The following GRIK4 variants were observed in gnomAD, a reference collection of about 807,000 sequenced individuals.
The protein encoded by GRIK4 is glutamate receptor ionotropic, kainate 4.
A neutral mutation model predicts 104.9 loss-of-function variants in GRIK4; 40 were observed. The observed-to-expected ratio is 0.38, with a 90% CI of 0.30 to 0.50. The LOEUF is 0.50. GRIK4 is among the 20% of genes least tolerant of loss of function. The pLI is 0.93. For missense variants in GRIK4, 1,047 were observed against 1,308.1 expected (o/e 0.80, Z 3.08); for synonymous variants, 485 against 524.9 (o/e 0.92, Z 1.04).
intron 13 of GRIK4, among the ~76,000 whole-genome samples, chr11:120,931,405 C>A (rs1943479086): frequency 6.6e-6 from 1 of 152,126 alleles, no homozygotes; most frequent in Non-Finnish European, 1.5e-5. Flanking sequence ...GGGGTGGAGA[C>A]CAGAGTGCCT....
At position 120,896,332 on chromosome 11, in the gene GRIK4, G is replaced by A. The variant is rs1942580820; in HGVS notation, c.1165-2200G>A. Among the ~76,000 whole-genome samples the A allele has an allele frequency of 2.0e-5, 3 of 152,208 alleles. No individual in the cohort carries two copies. In the South Asian group the frequency reaches 6.2e-4, roughly 32 times the overall value. Reference sequence around the variant, plus strand: ...GGTGGGCTCTTTTGTTTTGGCCTCAGTTTCCTTATCTGTAAAACGGGGCTT... The same window carrying A: ...GGTGGGCTCTTTTGTTTTGGCCTCAATTTCCTTATCTGTAAAACGGGGCTT... On this transcript the variant is annotated intron_variant, in intron 11 of 20. Transcript: ENST00000527524.
chr11:120,581,219 T>TTC (rs973694768), intron 1 of GRIK4, among the ~76,000 whole-genome samples: 2 of 152,208 alleles, frequency 1.3e-5, no homozygotes, highest in Non-Finnish European at 2.9e-5. Context: ...TCTTTTCATT[T>TTC]TCTCTCTCTC....
In GRIK4 at chr11:120,836,679, G is replaced by C. The variant is rs1458175062; in HGVS notation, c.691-112G>C. On this transcript the variant is annotated intron_variant, in intron 7 of 20. Transcript: ENST00000527524. The stretch of plus-strand genomic sequence containing the variant: ...TAATCAAGATGTTCTGTTCTGCCTG[G>C]TGCCAAGGGGCAGTGGGCCAGACAA... The C allele has an allele frequency of 8.0e-6, 6 of 750,632 alleles. No individual in the cohort carries two copies. In the Admixed American group the frequency reaches 8.8e-5, roughly 11 times the overall value. The allele number at this position is 750,632 out of a possible 1,614,324, so 46.5% of individuals were successfully genotyped here.
At chr11:120,803,583 G>T (rs1172745075) in intron 4 of GRIK4, among the ~76,000 whole-genome samples, 2 of 152,068 alleles carry the variant, frequency 1.3e-5, no homozygotes, top group African/African-American at 4.8e-5. Flanking sequence ...GATTACAGGG[G>T]TGTGCCACCA....
At chr11:120,525,400 G>A (rs879497665) in intron 1 of GRIK4, among the ~76,000 whole-genome samples, 76 of 152,084 alleles carry the variant, frequency 5.0e-4, no homozygotes, top group Non-Finnish European at 1.0e-3. Context: ...AACCAGGGGA[G>A]CATGTGCCCT....
intron 1 of GRIK4, among the ~76,000 whole-genome samples, chr11:120,514,283 T>G (rs983607340): frequency 1.3e-5 from 2 of 152,174 alleles, no homozygotes; most frequent in Admixed American, 6.5e-5. Flanking sequence ...CAGATGCCTC[T>G]CAGAACAATT....
chr11:120,770,499 C>A (rs545450936), intron 3 of GRIK4, among the ~76,000 whole-genome samples: 9 of 152,372 alleles, frequency 5.9e-5, no homozygotes, highest in Admixed American at 5.2e-4. Context: ...AAACAAAGAT[C>A]TGCCATTGGC....
rs1218923163 is a variant in GRIK4 at position 120,952,129 on chromosome 11, T to A, written c.1591-726T>A. Among the ~76,000 whole-genome samples the A allele has an allele frequency of 6.6e-6, 1 of 152,200 alleles. No homozygotes were observed. The highest frequency in any genetic ancestry group is 6.5e-5 in the Admixed American group (1 of 15,288). ...CAGGATTCCATTCCTGGCTCCATTG[T>A]CTGGCTCACAGGACTCTGGCCAGAC... is the stretch of plus-strand genomic sequence containing the variant. On this transcript the variant is annotated intron_variant, in intron 14 of 20. Coordinates refer to ENST00000527524, the MANE Select transcript of GRIK4 (RefSeq NM_014619.5). The surrounding 1 kb of genome is among the most constrained non-coding windows in gnomAD (Gnocchi z 5.2).
chr11:120,779,466 G>A (rs1232338993), intron 3 of GRIK4, among the ~76,000 whole-genome samples: 1 of 152,178 alleles, frequency 6.6e-6, no homozygotes, highest in Non-Finnish European at 1.5e-5. Context: ...TTGACTGCTA[G>A]CCAGGGGCAA....
At chr11:120,560,348 G>A (rs1333000959) in intron 1 of GRIK4, among the ~76,000 whole-genome samples, 5 of 152,038 alleles carry the variant, frequency 3.3e-5, no homozygotes, top group Admixed American at 2.6e-4. Context: ...CACTGTGCCT[G>A]GCCTCCAAGC....
At chr11:120,755,368 G>A (rs2135430853) in intron 3 of GRIK4, among the ~76,000 whole-genome samples, 2 of 152,296 alleles carry the variant, frequency 1.3e-5, no homozygotes, top group Middle Eastern at 6.8e-3. Flanking sequence ...GCACTTTGGA[G>A]GCCGATGTGG....
At chr11:120,647,884 C>T (rs1226997609) in intron 1 of GRIK4, among the ~76,000 whole-genome samples, 3 of 152,234 alleles carry the variant, frequency 2.0e-5, no homozygotes, top group African/African-American at 4.8e-5. Flanking sequence ...CGGAGGGTCC[C>T]GGTGGCCGCC....
intron 9 of GRIK4, among the ~76,000 whole-genome samples, chr11:120,865,337 T>C (rs548343577): frequency 1.3e-5 from 2 of 152,264 alleles, no homozygotes; most frequent in Non-Finnish European, 2.9e-5. Context: ...AATCTCATGA[T>C]ACACAATAAA....
intron 3 of GRIK4, among the ~76,000 whole-genome samples, chr11:120,783,043 T>A (rs889086988): frequency 7.9e-5 from 12 of 152,170 alleles, no homozygotes; most frequent in Non-Finnish European, 1.5e-5. Context: ...TACCTTCACA[T>A]TGGGGACCCC....
chr11:120,767,099 AT>A (rs1055311002), intron 3 of GRIK4, among the ~76,000 whole-genome samples: 14 of 151,922 alleles, frequency 9.2e-5, no homozygotes, highest in Non-Finnish European at 2.1e-4. Context: ...TGGTAGTTCT[AT>A]TTTTTATTTC....
At chr11:120,733,150 A>G (rs966651379) in intron 3 of GRIK4, among the ~76,000 whole-genome samples, 4 of 152,200 alleles carry the variant, frequency 2.6e-5, no homozygotes, top group Non-Finnish European at 4.4e-5. Context: ...TAATATATGT[A>G]TAGCTACTTC....
In GRIK4 at chr11:120,967,512, A is replaced by G. The variant is rs1341727825; in HGVS notation, c.2395+189A>G. ...AGGGTCTTGCGTATCGCAGGCACCC[A>G]GTGTCCACCCGGCTCCCAAGTCCTA... On this transcript the variant is annotated intron_variant, in intron 19 of 20. Transcript: ENST00000527524. The surrounding 1 kb of genome is among the most constrained non-coding windows in gnomAD (Gnocchi z 4.2). 2.0e-5 allele frequency among the ~76,000 whole-genome samples: 3 copies of G among 152,142 alleles called. No individual in the cohort carries two copies. Among genetic ancestry groups the G allele is most frequent in the Non-Finnish European group, 2.9e-5 (2 of 68,014 alleles).
intron 3 of GRIK4, among the ~76,000 whole-genome samples, chr11:120,717,640 C>T (rs375913200): frequency 2.8e-4 from 42 of 152,162 alleles, no homozygotes; most frequent in African/African-American, 8.9e-4. Flanking sequence ...TCCTTACTTA[C>T]AAGAGGGGAA....
chr11:120,751,795 C>T (rs975409384), intron 3 of GRIK4, among the ~76,000 whole-genome samples: 1 of 152,208 alleles, frequency 6.6e-6, no homozygotes, highest in Non-Finnish European at 1.5e-5. Context: ...CGGGCTGGCT[C>T]CTGTGCTCCC....
Sources: allele counts gnomAD v4.1 joint callset (sites outside exome capture counted in the v4.1 genomes callset), GRCh38; gene constraint gnomAD v4.1.1; non-coding constraint Gnocchi (gnomAD v3.1); transcripts MANE v1.5; gene names NCBI Gene and HGNC (gene_info 2026-07-23, HGNC 2026-07-21).